The following WWOX variants were observed in gnomAD, a reference collection of about 807,000 sequenced individuals.
WWOX encodes WW domain containing oxidoreductase.
A neutral mutation model predicts 46.2 loss-of-function variants in WWOX; 69 were observed. That is an observed-to-expected ratio of 1.49 (90% CI 1.23 to 1.82). The LOEUF is 1.82. WWOX is among the 40% of genes most tolerant of loss of function. The pLI, the probability that WWOX is intolerant of heterozygous loss-of-function variation, is 0.00. For synonymous variants in WWOX, 359 were observed against 202.6 expected (o/e 1.77, Z -6.56); for missense variants, 919 against 542.6 (o/e 1.69, Z -6.89).
At chr16:78,266,328 A>G (rs1313259506) in intron 5 of WWOX, among the ~76,000 whole-genome samples, 1 of 152,216 alleles carries the variant, frequency 6.6e-6, no homozygotes, top group Non-Finnish European at 1.5e-5. Flanking sequence ...TTATTGGAAC[A>G]CAGCCCTACA....
chr16:78,574,956 ATTACT>A (rs1394065924), intron 8 of WWOX, among the ~76,000 whole-genome samples: 3 of 128,534 alleles, frequency 2.3e-5, no homozygotes, highest in African/African-American at 8.3e-5. Context: ...TAATCAAATC[ATTACT>A]TTATAGACCC....
At chr16:78,584,708 G>T (rs1184348451) in intron 8 of WWOX, among the ~76,000 whole-genome samples, 1 of 152,232 alleles carries the variant, frequency 6.6e-6, no homozygotes, top group African/African-American at 2.4e-5. Context: ...AGTCAGAATA[G>T]CAGTTAGCTT....
At chr16:78,401,778 C>T (rs770715473) in intron 6 of WWOX, among the ~76,000 whole-genome samples, 1 of 152,082 alleles carries the variant, frequency 6.6e-6, no homozygotes, top group Non-Finnish European at 1.5e-5. Context: ...TGGCTCACTG[C>T]AACCTCTGCC....
chr16:78,336,866 G>T (rs534014121), intron 5 of WWOX, among the ~76,000 whole-genome samples: 1 of 151,816 alleles, frequency 6.6e-6, no homozygotes, highest in African/African-American at 2.4e-5. Flanking sequence ...AATCTCCTCC[G>T]CCTCCCAGTT....
At chr16:78,477,467 C>G (rs572099790) in intron 8 of WWOX, among the ~76,000 whole-genome samples, 1 of 152,096 alleles carries the variant, frequency 6.6e-6, no homozygotes, top group East Asian at 1.9e-4. Flanking sequence ...GCCATTGATC[C>G]TTATTAAACC....
At chr16:78,742,013 C>T (rs1006835624) in intron 8 of WWOX, among the ~76,000 whole-genome samples, 4 of 152,136 alleles carry the variant, frequency 2.6e-5, no homozygotes, top group African/African-American at 4.8e-5. Context: ...CTCTTCCCAC[C>T]CCCTACGATG....
intron 8 of WWOX, among the ~76,000 whole-genome samples, chr16:78,939,891 C>T (rs1046925063): frequency 1.3e-5 from 2 of 152,206 alleles, no homozygotes; most frequent in Admixed American, 6.5e-5. Flanking sequence ...GACATTTGTA[C>T]ATGCTTTTGC....
intron 8 of WWOX, among the ~76,000 whole-genome samples, chr16:79,072,719 C>A (rs554575885): frequency 1.2e-4 from 19 of 152,202 alleles, no homozygotes; most frequent in Non-Finnish European, 2.5e-4. Flanking sequence ...GCCACAACAG[C>A]CTCTTCTTTT....
At chr16:79,118,591 A>T (rs1354449382) in intron 8 of WWOX, among the ~76,000 whole-genome samples, 2 of 152,230 alleles carry the variant, frequency 1.3e-5, no homozygotes. Context: ...AAGGAAATGC[A>T]ATAAAATGAG....
intron 5 of WWOX, among the ~76,000 whole-genome samples, chr16:78,196,308 A>C (rs896733881): frequency 2.0e-5 from 3 of 152,152 alleles, no homozygotes; most frequent in Non-Finnish European, 4.4e-5. Context: ...TACATTTCAT[A>C]TTTTACATGA....
intron 8 of WWOX, among the ~76,000 whole-genome samples, chr16:78,454,556 A>G (rs2083771631): frequency 6.6e-6 from 1 of 152,186 alleles, no homozygotes; most frequent in South Asian, 2.1e-4. Flanking sequence ...CCCAGGCTGC[A>G]GTGCAATGGC....
rs368604787 is a variant in WWOX, at chr16:78,742,350, G to C, written c.1056+309598G>C. Reference sequence around the variant, plus strand: ...GTCCTCTGGTGAAGGGCAGCAGCAGGACAGAGCCCCACTTCTAGCTCTGGC... The same window carrying C: ...GTCCTCTGGTGAAGGGCAGCAGCAGCACAGAGCCCCACTTCTAGCTCTGGC... On this transcript the variant is annotated intron_variant, in intron 8 of 8. Coordinates refer to ENST00000566780, the MANE Select transcript of WWOX (RefSeq NM_016373.4). 7.9e-5 allele frequency among the ~76,000 whole-genome samples: 12 copies of C among 152,306 alleles called. No individual in the cohort carries two copies. In the East Asian group the frequency reaches 1.7e-3, roughly 22 times the overall value.
chr16:79,148,850 T>A (rs2050226773), intron 8 of WWOX, among the ~76,000 whole-genome samples: 1 of 152,240 alleles, frequency 6.6e-6, no homozygotes, highest in Non-Finnish European at 1.5e-5. Flanking sequence ...TTGAGTTTTG[T>A]GTGTTGATCT....
At chr16:79,142,780 C>A (rs1384688286) in intron 8 of WWOX, among the ~76,000 whole-genome samples, 1 of 152,160 alleles carries the variant, frequency 6.6e-6, no homozygotes, top group Non-Finnish European at 1.5e-5. Flanking sequence ...TTTACTGCAG[C>A]CTTGACCTCC....
Position 78,789,041 on chromosome 16 carries a change from T to A in WWOX, c.1056+356289T>A, listed in dbSNP as rs187644563. 2.2e-4 allele frequency among the ~76,000 whole-genome samples: 33 copies of A among 152,356 alleles called. No individual in the cohort carries two copies. The East Asian group carries it at 6.2e-3, about 29-fold the overall frequency. ...GTCTTTTTATTCTTTTGATATCATC[T>A]CGTGATGCACAAAAGTTTTAACAAC... On this transcript the variant is annotated intron_variant, in intron 8 of 8. Transcript: ENST00000566780.
intron 8 of WWOX, among the ~76,000 whole-genome samples, chr16:78,820,629 C>T (rs1254155281): frequency 1.3e-5 from 2 of 152,042 alleles, no homozygotes; most frequent in African/African-American, 2.4e-5. Flanking sequence ...ACCACAGGGC[C>T]TGTCTTCAGG....
chr16:79,058,549 T>C (rs558150416), intron 8 of WWOX, among the ~76,000 whole-genome samples: 7 of 152,248 alleles, frequency 4.6e-5, no homozygotes, highest in East Asian at 3.9e-4. Flanking sequence ...AGTCATGATA[T>C]AGGGAATTGA....
intron 4 of WWOX, among the ~76,000 whole-genome samples, chr16:78,138,162 C>G (rs1219214784): frequency 6.6e-6 from 1 of 150,830 alleles, no homozygotes; most frequent in Non-Finnish European, 1.5e-5. Flanking sequence ...CAAAACATCA[C>G]ATGACAACGC....
intron 8 of WWOX, among the ~76,000 whole-genome samples, chr16:78,634,357 C>G (rs2046512511): frequency 6.6e-6 from 1 of 152,094 alleles, no homozygotes; most frequent in South Asian, 2.1e-4. Flanking sequence ...TTCACTTATT[C>G]CCTCATTCAG....
Sources: gnomAD v4.1 joint callset for allele counts (sites outside exome capture counted in the v4.1 genomes callset) on GRCh38, gnomAD v4.1.1 for gene constraint, MANE v1.5 for transcripts, NCBI Gene and HGNC (gene_info 2026-07-23, HGNC 2026-07-21) for gene names.